KANSL1: variants seen among roughly 807,000 people sequenced by gnomAD.
The protein encoded by KANSL1 is KAT8 regulatory NSL complex subunit 1.
KANSL1 carries 22 observed loss-of-function variants against 103.6 expected under a neutral mutation model. The observed-to-expected ratio is 0.21, with a 90% CI of 0.15 to 0.30. The LOEUF (loss-of-function observed/expected upper bound fraction) is 0.30. Ranked by LOEUF, KANSL1 falls within the 10% of genes least tolerant of loss-of-function variation. KANSL1 has a pLI of 1.00. For synonymous variants in KANSL1, 600 were observed against 527.6 expected, an observed-to-expected ratio of 1.14 and a Z score of -1.88; for missense variants, 1,337 against 1,399.8, an observed-to-expected ratio of 0.96 and a Z score of 0.72.
chr17:46,066,828 G>A, intron 5 of KANSL1, 96 bp from the exon 6 acceptor site: 1 of 822,976 alleles, frequency 1.2e-6, no homozygotes, highest in Non-Finnish European at 1.9e-6. Context: ...TCTTATACTA[G>A]TTCAACCTCT....
In KANSL1 at chr17:46,031,173, G is replaced by C; in HGVS notation, c.*303C>G. ...TGTGAGGGAGGGGGTGGTCATCTAA[G>C]ATCAGTAAGTCCAGTGATTCAACAG... On this transcript the variant is annotated 3_prime_UTR_variant, in exon 15 of 15. Transcript: ENST00000432791. 1 of 457,724 alleles carries C rather than the reference G, an allele frequency of 2.2e-6. No homozygotes were observed. Among genetic ancestry groups the C allele is most frequent in the East Asian group, 3.6e-5 (1 of 27,580 alleles). The allele number at this position is 457,724 out of a possible 1,614,324, so 28.4% of individuals were successfully genotyped here.
intron 2 of KANSL1, among the ~76,000 whole-genome samples, chr17:46,151,499 T>C (rs534132051): frequency 6.6e-6 from 1 of 152,348 alleles, no homozygotes; most frequent in South Asian, 2.1e-4. Flanking sequence ...CTCCTTAGGC[T>C]CTTTCCTTTT....
chr17:46,125,118 G>A, intron 2 of KANSL1, among the ~76,000 whole-genome samples: 1 of 107,698 alleles, frequency 9.3e-6, no homozygotes, highest in Non-Finnish European at 1.9e-5. Context: ...GGGAGGGAGG[G>A]AGGGAAAGAA....
chr17:46,049,065 T>C (rs1446317600), intron 7 of KANSL1, among the ~76,000 whole-genome samples: 1 of 152,040 alleles, frequency 6.6e-6, no homozygotes, highest in African/African-American at 2.4e-5. Flanking sequence ...GGTAGATCTG[T>C]TGCAGTCTTT....
At chr17:46,131,378 A>G (rs933130266) in intron 2 of KANSL1, among the ~76,000 whole-genome samples, 1 of 152,252 alleles carries the variant, frequency 6.6e-6, no homozygotes, top group Admixed American at 6.5e-5. Flanking sequence ...AATTTACATT[A>G]AAGTTCAGCT....
chr17:46,119,271 A>C (rs1364262583), intron 2 of KANSL1, among the ~76,000 whole-genome samples: 2 of 152,016 alleles, frequency 1.3e-5, no homozygotes, highest in East Asian at 3.9e-4. Context: ...CACAGGTAAA[A>C]TCTACATCTG....
At chr17:46,210,834 A>C (rs1344315007) in intron 1 of KANSL1, among the ~76,000 whole-genome samples, 2 of 152,252 alleles carry the variant, frequency 1.3e-5, no homozygotes, top group African/African-American at 4.8e-5. Flanking sequence ...AGCTTAGAGA[A>C]TGCTTTGGCA....
At chr17:46,224,213 C>T (rs2048615015), upstream of KANSL1, among the ~76,000 whole-genome samples, 1 of 152,234 alleles carries the variant, frequency 6.6e-6, no homozygotes, top group African/African-American at 2.4e-5. Context: ...CAAGATTATG[C>T]TTAAGTTTCA....
At chr17:46,132,593 T>C (rs1378174052) in intron 2 of KANSL1, among the ~76,000 whole-genome samples, 2 of 152,156 alleles carry the variant, frequency 1.3e-5, no homozygotes, top group Admixed American at 6.5e-5. Flanking sequence ...CTCCAGGTAA[T>C]TGTGATGACC....
chr17:46,094,486 T>C (rs997113529), intron 3 of KANSL1, 74 bp downstream of exon 3: 5 of 1,506,202 alleles, frequency 3.3e-6, no homozygotes, highest in Non-Finnish European at 4.5e-6. Context: ...GGTTACGAGG[T>C]GGGAGGGGAT....
At chr17:46,219,415 T>C (rs1460382461) in intron 1 of KANSL1, among the ~76,000 whole-genome samples, 1 of 152,196 alleles carries the variant, frequency 6.6e-6, no homozygotes, top group Non-Finnish European at 1.5e-5. Flanking sequence ...CAGGCTGGAC[T>C]GCAGGGGCGC....
At chr17:46,176,343 A>G (rs1472688500) in intron 1 of KANSL1, among the ~76,000 whole-genome samples, 1 of 152,266 alleles carries the variant, frequency 6.6e-6, no homozygotes, top group Non-Finnish European at 1.5e-5. Context: ...AGTTATTCTG[A>G]GATTATTCAA....
At chr17:46,059,647 A>AAGAGAGAGAGAGAGAGAGAGAGAG (rs56065215) in intron 6 of KANSL1, among the ~76,000 whole-genome samples, 2 of 54,872 alleles carry the variant, frequency 3.6e-5, no homozygotes, top group African/African-American at 1.3e-4. Context: ...AAAAAAAAAA[A>AAGAGAGAGAGAGAGAGAGAGAGAG]AGAGAGAGAG....
At chr17:46,203,089 A>C (rs1347825209) in intron 1 of KANSL1, among the ~76,000 whole-genome samples, 1 of 152,160 alleles carries the variant, frequency 6.6e-6, no homozygotes, top group African/African-American at 2.4e-5. Context: ...AAAATTAGCC[A>C]GGCGTGGTGG....
At chr17:46,149,858 C>CAAAA (rs67220813) in intron 2 of KANSL1, among the ~76,000 whole-genome samples, 1 of 137,294 alleles carries the variant, frequency 7.3e-6, no homozygotes. Context: ...ACTAAAAATA[C>CAAAA]AAAAAAAAAA....
chr17:46,090,635 G>C (rs1172144121), intron 3 of KANSL1, among the ~76,000 whole-genome samples: 1 of 152,216 alleles, frequency 6.6e-6, no homozygotes, highest in Non-Finnish European at 1.5e-5. Flanking sequence ...CCAAGTCCAA[G>C]TATGGTGCTT....
Position 46,171,069 on chromosome 17 carries a change from T to C in KANSL1, c.1075A>G (p.Ser359Gly), listed in dbSNP as rs1309097254. ...KAEAALRKAA[S>G]ETTTSEGLSN... ...AGTCCCTCTGAAGTGGTGGTCTCAC[T>C]GGCAGCTTTTCTCAAGGCAGCTTCA... Residue 359 changes from serine to glycine, a missense_variant, in exon 2 of 15, where the codon AGT becomes GGT. By Grantham distance (56) the Ser-to-Gly change is moderately conservative. Around this residue, in one of 2 missense-constraint regions of KANSL1, gnomAD observed 557 missense variants for 476.4 expected, o/e 1.17. Coordinates refer to ENST00000432791, the MANE Select transcript of KANSL1 (RefSeq NM_015443.4). 1.2e-6 allele frequency: 2 copies of C among 1,614,220 alleles called. No individual in the cohort carries two copies. Among genetic ancestry groups the C allele is most frequent in the Non-Finnish European group, 8.5e-7 (1 of 1,180,046 alleles).
chr17:46,078,664 T>C (rs2078876031), intron 4 of KANSL1, among the ~76,000 whole-genome samples: 3 of 152,252 alleles, frequency 2.0e-5, no homozygotes, highest in African/African-American at 7.2e-5. Context: ...GTCTGAAATT[T>C]TGCTGACATT....
At chr17:46,163,004 C>T (rs1176536391) in intron 2 of KANSL1, among the ~76,000 whole-genome samples, 3 of 152,206 alleles carry the variant, frequency 2.0e-5, no homozygotes, top group Non-Finnish European at 4.4e-5. Flanking sequence ...CATGTCACTT[C>T]CTTCAGAAGA....
Sources: allele counts gnomAD v4.1 joint callset (sites outside exome capture counted in the v4.1 genomes callset), GRCh38; gene constraint gnomAD v4.1.1; regional missense constraint gnomAD v4.1.1; transcripts MANE v1.5; gene names NCBI Gene and HGNC (gene_info 2026-07-23, HGNC 2026-07-21).